The following ANKRD24 variants were observed in gnomAD, a reference collection of about 807,000 sequenced individuals.
ANKRD24 encodes the protein ankyrin repeat domain-containing protein 24.
A neutral mutation model predicts 127.8 loss-of-function variants in ANKRD24; 109 were observed. The ratio of observed to expected loss-of-function variants is 0.85; its 90% CI spans 0.73 to 1.00. ANKRD24 has a LOEUF of 1.00. Ranked by LOEUF, ANKRD24 falls within the 50% of genes least tolerant of loss-of-function variation. ANKRD24 has a pLI of 0.00. For synonymous variants in ANKRD24, 743 were observed against 671.1 expected, an observed-to-expected ratio of 1.11 and a Z score of -1.66; for missense variants, 1,648 against 1,570.2, an observed-to-expected ratio of 1.05 and a Z score of -0.84.
At chr19:4,212,798 A>G in intron 15 of ANKRD24, 100 bp downstream of exon 15, 2 of 1,130,646 alleles carry the variant, frequency 1.8e-6, no homozygotes, top group Non-Finnish European at 2.5e-6. Context: ...GCACAGCCTC[A>G]CACACGTGCA....
intron 19 of ANKRD24, among the ~76,000 whole-genome samples, chr19:4,221,653 G>T (rs1004197400): frequency 6.6e-6 from 1 of 152,108 alleles, no homozygotes; most frequent in South Asian, 2.1e-4. Flanking sequence ...AGTCCCAGGC[G>T]CTTCAGCATA....
At chr19:4,186,539 AC>A in intron 2 of ANKRD24, 78 bp downstream of exon 2, 1 of 1,489,996 alleles carries the variant, frequency 6.7e-7, no homozygotes, top group Non-Finnish European at 9.2e-7. Context: ...CTGAAGATCC[AC>A]CCTTTCATTC....
At position 4,199,694 on chromosome 19, in the gene ANKRD24, C is replaced by T. The variant is rs1425597655; in HGVS notation, c.48C>T (p.Ser16=). Reference sequence around the variant, plus strand: ...ACCTCCCCCTGCAGCTGCGGCTCAGCCCCACTGACCTTGGCTCCTGCCCGC... The same window carrying T: ...ACCTCCCCCTGCAGCTGCGGCTCAGTCCCACTGACCTTGGCTCCTGCCCGC... ...ARFKKTELRL[S]PTDLGSCPPC... The change falls in exon 3 of 22, where the codon AGC becomes AGT. Residue 16 remains serine (S), a synonymous_variant. Coordinates refer to ENST00000318934, the MANE Select transcript of ANKRD24 (RefSeq NM_001393985.1). This position sits in a 1 kb window ranked among gnomAD's most constrained non-coding sequence, Gnocchi z 5.2. 1.3e-6 allele frequency: 2 copies of T among 1,536,030 alleles called. No individual in the cohort carries two copies. The highest frequency in any genetic ancestry group is 2.3e-4 in the Middle Eastern group (1 of 4,390).
chr19:4,223,411 T>A (rs1430324711), intron 20 of ANKRD24, among the ~76,000 whole-genome samples: 30 of 128,704 alleles, frequency 2.3e-4, no homozygotes, highest in African/African-American at 1.1e-3. Flanking sequence ...ATTTTTTTTT[T>A]TTTTTTTTTG....
At chr19:4,193,845 G>GAGGGAGGGAGGGAGGGAGGGAAGGA (rs573649233) in intron 2 of ANKRD24, among the ~76,000 whole-genome samples, 1,767 of 40,562 alleles carry the variant, frequency 0.044, 382 homozygotes, top group Admixed American at 0.21. Flanking sequence ...GGGAGGGAGG[G>GAGGGAGGGAGGGAGGGAGGGAAGGA]AGGAAGGAAG....
At chr19:4,212,743 G>C in intron 15 of ANKRD24, 45 bp downstream of exon 15, 2 of 1,515,260 alleles carry the variant, frequency 1.3e-6, no homozygotes, top group Non-Finnish European at 1.8e-6. Flanking sequence ...CTGGGTCGGG[G>C]AACTTCTCTC....
Position 4,216,333 on chromosome 19 carries a change from C to T in ANKRD24, c.1320C>T (p.His440=), listed in dbSNP as rs541524509. The change falls in exon 17 of 22, where the codon CAC becomes CAT. Residue 440 remains histidine, a synonymous_variant. Coordinates refer to ENST00000318934, the MANE Select transcript of ANKRD24 (RefSeq NM_001393985.1). The part of the protein sequence containing the change: ...SRQLSPSAQE[H]LASLQEQVAV... ...AACTCAGTCCGTCGGCCCAGGAACA[C>T]CTGGCCTCGCTGCAGGAACAGGTGG... The T allele has an allele frequency of 4.5e-6, 7 of 1,569,046 alleles. No homozygotes were observed. The African/African-American group carries it at 8.1e-5, about 18-fold the overall frequency.
chr19:4,202,925 AG>A lies in ANKRD24; in HGVS notation c.466+1del. The A allele has an allele frequency of 6.4e-7, 1 of 1,568,992 alleles. No homozygotes were observed. Among genetic ancestry groups the A allele is most frequent in the Non-Finnish European group, 8.6e-7 (1 of 1,157,198 alleles). ...SSGWTALHHA[A>X]AGGCLSCSEV... ...GCGGGTGGACTGCCCTACACCATGC[AG>A]GTGGGTGCAGCCCAGCCCTGCCCTG... On this transcript the variant is annotated frameshift_variant and splice_region_variant, in exon 7 of 22. Transcript: ENST00000318934. LOFTEE classifies it high-confidence loss of function.
At chr19:4,187,456 G>A (rs1968134740) in intron 2 of ANKRD24, among the ~76,000 whole-genome samples, 1 of 152,022 alleles carries the variant, frequency 6.6e-6, no homozygotes, top group Non-Finnish European at 1.5e-5. Flanking sequence ...GTGGGGGAGA[G>A]AGTTTGCAGG....
rs1443969158 is a variant in ANKRD24 at position 4,224,635 on chromosome 19, C to T, written c.*130C>T. 59 of 868,150 alleles carry T rather than the reference C, an allele frequency of 6.8e-5. No individual in the cohort carries two copies. Among genetic ancestry groups the T allele is most frequent in the Non-Finnish European group, 5.6e-5 (31 of 554,918 alleles). The allele number at this position is 868,150 out of a possible 1,614,324, so 53.8% of individuals were successfully genotyped here. Reference sequence around the variant, plus strand: ...CAGGCCCATGCACTTGGAGACCAGCCTGGTTCCCTGCCCGACCACCCCCAG... The same window carrying T: ...CAGGCCCATGCACTTGGAGACCAGCTTGGTTCCCTGCCCGACCACCCCCAG... On this transcript the variant is annotated 3_prime_UTR_variant, in exon 22 of 22. Transcript: ENST00000318934.
Position 4,198,541 on chromosome 19 carries a change from C to A in ANKRD24, c.37-1142C>A. 1 of 570,300 alleles carries A rather than the reference C, an allele frequency of 1.8e-6. No individual in the cohort carries two copies. The highest frequency in any genetic ancestry group is 3.1e-6 in the Non-Finnish European group (1 of 318,574). The allele number at this position is 570,300 out of a possible 1,614,324, so 35.3% of individuals were successfully genotyped here. A position where few individuals can be genotyped will look rare whatever the true frequency, so the allele number is the denominator to read the frequency against. ...CAGCCGCCTCCTTCGCGGTAGGGCC[C>A]GGGGAGGGGGCGCAGGAGCGGGCGG... On this transcript the variant is annotated intron_variant, in intron 2 of 21. Coordinates refer to ENST00000318934, the MANE Select transcript of ANKRD24 (RefSeq NM_001393985.1). This position sits in a 1 kb window ranked among gnomAD's most constrained non-coding sequence, Gnocchi z 6.1.
Position 4,207,337 on chromosome 19 carries a change from G to A in ANKRD24, c.537+25G>A. 3 of 1,610,634 alleles carry A rather than the reference G, an allele frequency of 1.9e-6. 1 individual carries two copies. In the South Asian group the frequency reaches 3.3e-5, roughly 18 times the overall value. ...GGTAAGCTTCTGGGATCTCTTCAGG[G>A]AAGATGTTATGCTTGAGGTATGCTG... is the stretch of plus-strand genomic sequence containing the variant. On this transcript the variant is annotated intron_variant, in intron 8 of 21. Coordinates refer to ENST00000318934, the MANE Select transcript of ANKRD24 (RefSeq NM_001393985.1).
chr19:4,199,487 C>A lies in ANKRD24; in HGVS notation c.37-196C>A. 1 of 985,200 alleles carries A rather than the reference C, an allele frequency of 1.0e-6. No homozygotes were observed. The highest frequency in any genetic ancestry group is 1.2e-6 in the Non-Finnish European group (1 of 829,698). The allele number at this position is 985,200 out of a possible 1,614,324, so 61.0% of individuals were successfully genotyped here. ...TTGGCCTCCCCAGATGCTGGGACTA[C>A]AGGCGTGAGCCTCCATGCTCAGCCC... is the stretch of plus-strand genomic sequence containing the variant. On this transcript the variant is annotated intron_variant, in intron 2 of 21. Transcript: ENST00000318934. The surrounding 1 kb of genome is among the most constrained non-coding windows in gnomAD (Gnocchi z 5.2).
At chr19:4,203,343 C>T (rs1409891326) in intron 7 of ANKRD24, among the ~76,000 whole-genome samples, 2 of 151,766 alleles carry the variant, frequency 1.3e-5, no homozygotes, top group Non-Finnish European at 2.9e-5. Context: ...GCCACCGCTC[C>T]TGGCCTTCCT....
rs556877299 is a variant in ANKRD24 at position 4,210,065 on chromosome 19, T to C, written c.878T>C (p.Met293Thr). 23 of 1,611,102 alleles carry C rather than the reference T, an allele frequency of 1.4e-5. No homozygotes were observed. Among genetic ancestry groups the C allele is most frequent in the East Asian group, 1.1e-4 (5 of 44,812 alleles). Residue 293 changes from methionine (M) to threonine (T), a missense_variant, in exon 12 of 22, where the codon ATG (methionine) becomes ACG (threonine). Transcript: ENST00000318934. The part of the protein sequence containing the change: ...DSGEASSQNS[M>T]SSHGKQGAPK... Reference sequence around the variant, plus strand: ...TCTCCCCTCCCTTCCCAGAACTCTATGTCCAGCCATGGAAAGCAGGGGGCC... The same window carrying C: ...TCTCCCCTCCCTTCCCAGAACTCTACGTCCAGCCATGGAAAGCAGGGGGCC...
chr19:4,193,850 A>AGGGAGGAAGGAAGGAAGGAT (rs1568315613), intron 2 of ANKRD24, among the ~76,000 whole-genome samples: 1 of 38,386 alleles, frequency 2.6e-5, no homozygotes, highest in African/African-American at 1.4e-4. Context: ...GGAGGGAGGA[A>AGGGAGGAAGGAAGGAAGGAT]GGAAGGAAGG....
At chr19:4,208,591 C>T (rs1026649150) in intron 10 of ANKRD24, among the ~76,000 whole-genome samples, 173 bp from the exon 11 acceptor site, 15 of 151,962 alleles carry the variant, frequency 9.9e-5, no homozygotes, top group Non-Finnish European at 2.2e-4. Context: ...CCTATCCTCT[C>T]TTTTTAACAG....
At chr19:4,188,068 T>C (rs1202625044) in intron 2 of ANKRD24, among the ~76,000 whole-genome samples, 3 of 152,110 alleles carry the variant, frequency 2.0e-5, no homozygotes, top group African/African-American at 4.8e-5. Flanking sequence ...CTGGATTTCA[T>C]TTTTTATTTT....
rs572956493 is a variant in ANKRD24 at position 4,207,656 on chromosome 19, G to C, written c.644+49G>C. On this transcript the variant is annotated intron_variant, in intron 9 of 21. Transcript: ENST00000318934. ...GTCCACCCTATGCTGTGTGACCTTC[G>C]GCAAGACTTAACCTAAGTAAGACGA... The C allele has an allele frequency of 5.6e-6, 9 of 1,606,006 alleles. No individual in the cohort carries two copies. The South Asian group carries it at 8.8e-5, about 16-fold the overall frequency.
Sources: allele counts gnomAD v4.1 joint callset (sites outside exome capture counted in the v4.1 genomes callset), GRCh38; gene constraint gnomAD v4.1.1; non-coding constraint Gnocchi (gnomAD v3.1); transcripts MANE v1.5; gene names NCBI Gene and HGNC (gene_info 2026-07-23, HGNC 2026-07-21).